The following FBXL13 variants were observed in gnomAD, a reference collection of about 807,000 sequenced individuals.
The protein encoded by FBXL13 is F-box and leucine-rich repeat protein 13.
In FBXL13, 67 loss-of-function variants were observed where a neutral mutation model predicts 83.6. The observed-to-expected ratio is 0.80, with a 90% CI of 0.66 to 0.98. FBXL13 has a LOEUF of 0.98. Among genes scored for constraint, FBXL13 ranks in the 50% least tolerant of loss-of-function variants. The pLI, the probability that FBXL13 is intolerant of heterozygous loss-of-function variation, is 0.00. For missense variants in FBXL13, 822 were observed against 866.5 expected, an observed-to-expected ratio of 0.95 and a Z score of 0.64; for synonymous variants, 272 against 299.5, an observed-to-expected ratio of 0.91 and a Z score of 0.95.
chr7:102,850,318 T>C (rs1238347628), intron 17 of FBXL13, among the ~76,000 whole-genome samples: 1 of 151,858 alleles, frequency 6.6e-6, no homozygotes, highest in African/African-American at 2.4e-5. Context: ...CTTTGGCCAA[T>C]ACTCCTTCAT....
At chr7:102,904,927 T>C (rs1451118975) in intron 11 of FBXL13, among the ~76,000 whole-genome samples, 1 of 152,204 alleles carries the variant, frequency 6.6e-6, no homozygotes, top group Non-Finnish European at 1.5e-5. Context: ...TTTCCAAAAT[T>C]CTACTTGCTA....
chr7:102,857,675 A>C (rs1473706836), intron 16 of FBXL13: 5 of 152,128 alleles, frequency 3.3e-5, no homozygotes, highest in African/African-American at 1.2e-4. Flanking sequence ...TGAACCTCCA[A>C]ACCTCTCAGG....
intron 6 of FBXL13, among the ~76,000 whole-genome samples, chr7:102,986,229 C>A (rs777885852): frequency 6.6e-6 from 1 of 152,118 alleles, no homozygotes; most frequent in Non-Finnish European, 1.5e-5. Flanking sequence ...CAAACCAGCC[C>A]CACAAAATAC....
chr7:102,994,102 T>C (rs960987386), intron 6 of FBXL13, among the ~76,000 whole-genome samples: 1 of 152,186 alleles, frequency 6.6e-6, no homozygotes, highest in Non-Finnish European at 1.5e-5. Flanking sequence ...CTATTATACA[T>C]TAATAAGCAT....
At chr7:103,069,259 C>T (rs1280113618) in intron 1 of FBXL13, among the ~76,000 whole-genome samples, 10 of 152,090 alleles carry the variant, frequency 6.6e-5, no homozygotes, top group Non-Finnish European at 1.3e-4. Context: ...AAGTGAGGAG[C>T]GCCTCTACCT....
chr7:102,981,672 GTT>G (rs2129483471), intron 6 of FBXL13, among the ~76,000 whole-genome samples: 1 of 152,272 alleles, frequency 6.6e-6, no homozygotes, highest in Non-Finnish European at 1.5e-5. Context: ...CCACTTCCTG[GTT>G]TATACACAGT....
chr7:102,893,398 GA>G (rs61709748), intron 11 of FBXL13, among the ~76,000 whole-genome samples: 25,796 of 152,158 alleles, frequency 0.17, 2,230 homozygotes, highest in Middle Eastern at 0.22. Flanking sequence ...AATCGAGGCA[GA>G]AAAACCAAGT....
intron 8 of FBXL13, among the ~76,000 whole-genome samples, chr7:102,935,672 T>G (rs1013438486): frequency 6.6e-6 from 1 of 152,148 alleles, no homozygotes; most frequent in Non-Finnish European, 1.5e-5. Flanking sequence ...TAGTGAAGAT[T>G]GATGTTCTCA....
intron 8 of FBXL13, among the ~76,000 whole-genome samples, chr7:102,962,068 A>G (rs1306946103): frequency 4.6e-5 from 7 of 151,012 alleles, no homozygotes; most frequent in African/African-American, 1.7e-4. Context: ...AATGGGAGAA[A>G]ATTTTCACAA....
chr7:102,813,141 G>A, downstream of FBXL13: 1 of 580,334 alleles, frequency 1.7e-6, no homozygotes, highest in East Asian at 3.3e-5. Context: ...CTCCTGGCCT[G>A]GCTTCTTTTT....
At chr7:102,843,612 G>A (rs1052249819) in intron 17 of FBXL13, among the ~76,000 whole-genome samples, 5 of 151,396 alleles carry the variant, frequency 3.3e-5, no homozygotes, top group African/African-American at 4.9e-5. Context: ...CCGTCTCTAC[G>A]AAAAATACAA....
intron 19 of FBXL13, among the ~76,000 whole-genome samples, chr7:102,821,217 A>G (rs79130351): frequency 0.014 from 2,194 of 152,260 alleles, 49 homozygotes; most frequent in African/African-American, 0.049. Context: ...CTCCAGACCT[A>G]TCAGGAAGGG....
chr7:103,014,751 G>A lies in FBXL13; in HGVS notation c.495+10312C>T, dbSNP rs186826608. Among the ~76,000 whole-genome samples the A allele has an allele frequency of 3.0e-4, 46 of 151,544 alleles. No homozygotes were observed. In the East Asian group the frequency reaches 7.0e-3, roughly 23 times the overall value. On this transcript the variant is annotated intron_variant, in intron 6 of 19. Coordinates refer to ENST00000313221, the Ensembl canonical transcript of FBXL13. ...ATCCTGGCTAACACAGTGAAACCCCGTCTCTACTAAAAATACAAAAAATTA... is the reference window on the plus strand; with the variant it reads ...ATCCTGGCTAACACAGTGAAACCCCATCTCTACTAAAAATACAAAAAATTA...
intron 8 of FBXL13, among the ~76,000 whole-genome samples, chr7:102,957,628 C>G (rs1424031791): frequency 6.6e-6 from 1 of 152,072 alleles, no homozygotes; most frequent in East Asian, 1.9e-4. Context: ...TTTTTGCAAT[C>G]TACCCATCTG....
intron 18 of FBXL13, among the ~76,000 whole-genome samples, chr7:102,831,546 A>G (rs1800704105): frequency 2.0e-5 from 3 of 152,180 alleles, no homozygotes; most frequent in Non-Finnish European, 2.9e-5. Flanking sequence ...ACAGTTGCCC[A>G]GATTTATGGA....
At chr7:102,814,559 G>A (rs1357161609) in intron 19 of FBXL13, 1 of 152,172 alleles carries the variant, frequency 6.6e-6, no homozygotes, top group Non-Finnish European at 1.5e-5. Context: ...TTAACAGGGA[G>A]GTAACCAAAG....
chr7:103,026,701 C>T (rs552808004), intron 5 of FBXL13, among the ~76,000 whole-genome samples: 1 of 152,098 alleles, frequency 6.6e-6, no homozygotes, highest in Non-Finnish European at 1.5e-5. Context: ...TCTTTTGCTG[C>T]GTGTGTGCTA....
intron 11 of FBXL13, among the ~76,000 whole-genome samples, chr7:102,904,937 A>G (rs988157325): frequency 6.6e-5 from 10 of 152,066 alleles, no homozygotes; most frequent in African/African-American, 2.4e-4. Context: ...TCTACTTGCT[A>G]TTAATTTCTA....
At chr7:102,919,186 C>A (rs1232425431) in intron 10 of FBXL13, among the ~76,000 whole-genome samples, 1 of 152,312 alleles carries the variant, frequency 6.6e-6, no homozygotes, top group Admixed American at 6.5e-5. Context: ...TCAGTAAACA[C>A]TAGGAATTGG....
Sources: gnomAD v4.1 joint callset for allele counts (sites outside exome capture counted in the v4.1 genomes callset) on GRCh38, gnomAD v4.1.1 for gene constraint, MANE v1.5 for transcripts, NCBI Gene and HGNC (gene_info 2026-07-23, HGNC 2026-07-21) for gene names.